CCDC30: variants seen among roughly 807,000 people sequenced by gnomAD.
CCDC30 encodes the protein coiled-coil domain containing 30.
In CCDC30, 70 loss-of-function variants were observed where a neutral mutation model predicts 100.2. The ratio of observed to expected loss-of-function variants is 0.70; its 90% confidence interval spans 0.58 to 0.85. The LOEUF (loss-of-function observed/expected upper bound fraction) is 0.85, where lower values mean the gene tolerates loss of function less well. Ranked by LOEUF, CCDC30 falls within the 40% of genes least tolerant of loss-of-function variation. The probability of loss-of-function intolerance (pLI) is 0.00; values close to 1 mark genes in which losing one functional copy is unlikely to be tolerated. For synonymous variants in CCDC30, 233 were observed against 269.5 expected, an observed-to-expected ratio of 0.86 and a Z score of 1.33; for missense variants, 652 against 771.2, an observed-to-expected ratio of 0.85 and a Z score of 1.83.
the CCDC30 span, chr1:42,456,658 C>A: frequency 6.3e-7 from 1 of 1,597,948 alleles, no homozygotes; most frequent in Non-Finnish European, 8.5e-7. Context: ...CCAGGCTGGG[C>A]GCGCAGGGCC....
intron 8 of CCDC30, among the ~76,000 whole-genome samples, chr1:42,579,403 G>A (rs1645913407): frequency 6.8e-6 from 1 of 148,102 alleles, no homozygotes; most frequent in Non-Finnish European, 1.5e-5. Flanking sequence ...GGAGGCCAAG[G>A]TGGGTGGATC....
intron 1 of CCDC30, among the ~76,000 whole-genome samples, chr1:42,474,476 C>T (rs1039524490): frequency 2.0e-5 from 3 of 152,096 alleles, no homozygotes; most frequent in South Asian, 2.1e-4. Flanking sequence ...AAAGAGGAAA[C>T]GAAAGTTTGC....
chr1:42,653,289 T>C (rs1274662773), intron 15 of CCDC30, 87 bp from the exon 20 acceptor site: 8 of 640,674 alleles, frequency 1.2e-5, no homozygotes, highest in Non-Finnish European at 2.1e-5. Context: ...AGGTATTGTA[T>C]CTATTATATA....
intron 15 of CCDC30, among the ~76,000 whole-genome samples, chr1:42,653,053 G>A (rs1013551201): frequency 6.6e-5 from 10 of 152,082 alleles, no homozygotes; most frequent in African/African-American, 2.4e-4. Flanking sequence ...TCTCAACAAA[G>A]CAGTTATTTT....
intron 6 of CCDC30, among the ~76,000 whole-genome samples, chr1:42,544,912 T>C (rs1645091657): frequency 6.6e-6 from 1 of 152,172 alleles, no homozygotes; most frequent in Non-Finnish European, 1.5e-5. Context: ...CTAATATTCT[T>C]ATAGATATAG....
At position 42,498,826 on chromosome 1, in the gene CCDC30, A is replaced by AC; in HGVS notation, c.367dup (p.Leu123ProfsTer2). ...TTACTTTTGTATTTAAGGTTGAAAG[A>AC]CTTAAAGGAGAGGTGTGTGAATCTC... On this transcript the variant is annotated frameshift_variant, in exon 6 of 17. Coordinates refer to ENST00000668663, the Ensembl canonical transcript of CCDC30. LOFTEE classifies it high-confidence loss of function. 8.1e-7 allele frequency: 1 copy of AC among 1,232,332 alleles called. No homozygotes were observed. Among genetic ancestry groups the AC allele is most frequent in the Non-Finnish European group, 1.0e-6 (1 of 986,328 alleles). The allele number at this position is 1,232,332 out of a possible 1,614,324, so 76.3% of individuals were successfully genotyped here.
upstream of CCDC30, chr1:42,463,182 A>G (rs1327008265): frequency 1.3e-5 from 2 of 152,256 alleles, no homozygotes; most frequent in African/African-American, 2.4e-5. Context: ...GTGAGACATA[A>G]TAACAGTCTC....
At chr1:42,525,113 C>T (rs978141163) in intron 6 of CCDC30, among the ~76,000 whole-genome samples, 31 of 152,006 alleles carry the variant, frequency 2.0e-4, no homozygotes, top group Non-Finnish European at 3.1e-4. Flanking sequence ...AGTTTGATTA[C>T]AGTTTCTCTT....
At chr1:42,615,303 G>C (rs1646704380) in intron 11 of CCDC30, among the ~76,000 whole-genome samples, 1 of 152,116 alleles carries the variant, frequency 6.6e-6, no homozygotes, top group African/African-American at 2.4e-5. Context: ...TGGTTTGTTT[G>C]TTTGTTTTTT....
At chr1:42,601,193 T>G (rs978491428) in intron 10 of CCDC30, among the ~76,000 whole-genome samples, 1 of 152,172 alleles carries the variant, frequency 6.6e-6, no homozygotes. Flanking sequence ...TTTCAAAATA[T>G]TTTGAACTAA....
At chr1:42,460,233 T>C (rs1643374032), upstream of CCDC30, 10 of 1,059,260 alleles carry the variant, frequency 9.4e-6, no homozygotes, top group Non-Finnish European at 1.0e-5. Flanking sequence ...GAAAAAGGAT[T>C]ATGGATGCAT....
chr1:42,626,628 T>C (rs2148663775), intron 11 of CCDC30, among the ~76,000 whole-genome samples: 1 of 152,306 alleles, frequency 6.6e-6, no homozygotes, highest in Non-Finnish European at 1.5e-5. Context: ...CTCCCAGAAT[T>C]CCCACATGTT....
chr1:42,499,564 C>T (rs1644276886), intron 6 of CCDC30, among the ~76,000 whole-genome samples: 1 of 152,106 alleles, frequency 6.6e-6, no homozygotes, highest in African/African-American at 2.4e-5. Flanking sequence ...CAGCCTCAAC[C>T]TTCCAGGCCC....
intron 11 of CCDC30, among the ~76,000 whole-genome samples, chr1:42,621,086 A>G (rs112894798): frequency 0.017 from 2,641 of 152,300 alleles, 70 homozygotes; most frequent in African/African-American, 0.06. Context: ...ATAGATTCAA[A>G]TTGCCCTGAA....
At chr1:42,533,567 G>A (rs925826210) in intron 6 of CCDC30, among the ~76,000 whole-genome samples, 2 of 152,110 alleles carry the variant, frequency 1.3e-5, no homozygotes, top group African/African-American at 4.8e-5. Flanking sequence ...AACAACTCTT[G>A]GGGCAACTTA....
chr1:42,583,091 G>T (rs1353029132), intron 9 of CCDC30, among the ~76,000 whole-genome samples: 1 of 152,140 alleles, frequency 6.6e-6, no homozygotes, highest in Non-Finnish European at 1.5e-5. Flanking sequence ...TTGTAAATTG[G>T]TGTGGATGGT....
intron 10 of CCDC30, among the ~76,000 whole-genome samples, chr1:42,609,687 A>G (rs1323916898): frequency 6.6e-6 from 1 of 152,174 alleles, no homozygotes; most frequent in Admixed American, 6.5e-5. Flanking sequence ...ATTGGAGACA[A>G]TGAGAAGTGG....
intron 9 of CCDC30, among the ~76,000 whole-genome samples, chr1:42,585,418 A>G (rs1646048661): frequency 6.6e-6 from 1 of 151,926 alleles, no homozygotes. Flanking sequence ...TATATTATTA[A>G]TATTTGTCTT....
chr1:42,502,281 C>T (rs1017368492), intron 6 of CCDC30, among the ~76,000 whole-genome samples: 4 of 152,174 alleles, frequency 2.6e-5, no homozygotes, highest in African/African-American at 7.2e-5. Context: ...CCGAGCCATG[C>T]GTGGGATATA....
Sources: gnomAD v4.1 joint callset for allele counts (sites outside exome capture counted in the v4.1 genomes callset) on GRCh38, gnomAD v4.1.1 for gene constraint, MANE v1.5 for transcripts, NCBI Gene and HGNC (gene_info 2026-07-23, HGNC 2026-07-21) for gene names.